Variants in UMAD1 observed in about 807,000 individuals in gnomAD.
The protein encoded by UMAD1 is UBAP1-MVB12-associated (UMA)-domain containing protein 1.
Under a neutral mutation model 6.1 loss-of-function variants are expected in UMAD1, and 8 were observed. That is an observed-to-expected ratio of 1.30 (90% confidence interval 0.76 to 2.35). The LOEUF (loss-of-function observed/expected upper bound fraction) is 2.35, where lower values mean the gene tolerates loss of function less well. Among genes scored for constraint, UMAD1 ranks in the 30% most tolerant of loss-of-function variants. The probability of loss-of-function intolerance (pLI) is 0.00; values close to 1 mark genes in which losing one functional copy is unlikely to be tolerated. For synonymous variants in UMAD1, 56 were observed against 31.4 expected (o/e 1.78, Z -2.61); for missense variants, 130 against 78.4 (o/e 1.66, Z -2.49).
chr7:7,778,266 G>A (rs1056105612), intron 2 of UMAD1, among the ~76,000 whole-genome samples: 1 of 135,552 alleles, frequency 7.4e-6, no homozygotes, highest in Non-Finnish European at 1.6e-5. Context: ...GTGTGTGTGT[G>A]TGTGTGTGTG....
chr7:7,865,515 C>A (rs1195173610), intron 3 of UMAD1, among the ~76,000 whole-genome samples: 1 of 152,098 alleles, frequency 6.6e-6, no homozygotes, highest in African/African-American at 2.4e-5. Context: ...GAAAAAAATC[C>A]CTGTTTATGG....
intron 3 of UMAD1, among the ~76,000 whole-genome samples, chr7:7,841,270 A>G (rs1167912003): frequency 6.6e-6 from 1 of 152,048 alleles, no homozygotes; most frequent in Non-Finnish European, 1.5e-5. Flanking sequence ...TCCACTGAAG[A>G]ATGCAAGGAA....
At chr7:7,703,607 T>G (rs996039050) in intron 2 of UMAD1, among the ~76,000 whole-genome samples, 1 of 152,176 alleles carries the variant, frequency 6.6e-6, no homozygotes, top group Non-Finnish European at 1.5e-5. Flanking sequence ...TAACAACAAT[T>G]TGTCCTAATC....
At chr7:7,747,377 C>A (rs1289102881) in intron 2 of UMAD1, among the ~76,000 whole-genome samples, 2 of 152,054 alleles carry the variant, frequency 1.3e-5, no homozygotes, top group Non-Finnish European at 2.9e-5. Flanking sequence ...TTTATTTGGT[C>A]CTTTCAGAAA....
intron 3 of UMAD1, among the ~76,000 whole-genome samples, chr7:7,848,967 T>TAC (rs1783861691): frequency 1.3e-5 from 2 of 152,180 alleles, no homozygotes. Context: ...TTCTACCTGT[T>TAC]ATGTAAGTTA....
intron 2 of UMAD1, among the ~76,000 whole-genome samples, chr7:7,694,141 A>G (rs566633435): frequency 4.7e-4 from 71 of 152,304 alleles, no homozygotes; most frequent in Non-Finnish European, 7.8e-4. Flanking sequence ...GTCATATTTG[A>G]GCATTCCAAA....
Position 7,664,565 on chromosome 7 carries a change from C to G in UMAD1, c.-63-8744C>G, listed in dbSNP as rs1484003790. 2.0e-5 allele frequency among the ~76,000 whole-genome samples: 3 copies of G among 152,164 alleles called. No homozygotes were observed. In the East Asian group the frequency reaches 5.8e-4, roughly 29 times the overall value. Reference sequence around the variant, plus strand: ...TTCCTTCCTCTAGTGAGGTTAATCTCTTTGCTTTCCTCTATACCCACTATG... The same window carrying G: ...TTCCTTCCTCTAGTGAGGTTAATCTGTTTGCTTTCCTCTATACCCACTATG... On this transcript the variant is annotated intron_variant, in intron 1 of 3. Coordinates refer to ENST00000682710, the MANE Select transcript of UMAD1 (RefSeq NM_001302348.2).
chr7:7,652,957 C>T (rs1257697009), intron 1 of UMAD1, among the ~76,000 whole-genome samples: 1 of 152,216 alleles, frequency 6.6e-6, no homozygotes, highest in African/African-American at 2.4e-5. Context: ...AAGACCCATA[C>T]TGAATAATGT....
At chr7:7,831,743 G>A (rs2115305356) in intron 3 of UMAD1, among the ~76,000 whole-genome samples, 3 of 152,214 alleles carry the variant, frequency 2.0e-5, no homozygotes, top group Middle Eastern at 6.8e-3. Context: ...GGAGTATTGT[G>A]AGATTAATTA....
chr7:7,745,354 C>T (rs552343438), intron 2 of UMAD1, among the ~76,000 whole-genome samples: 15 of 152,292 alleles, frequency 9.8e-5, no homozygotes, highest in Admixed American at 2.6e-4. Flanking sequence ...ACTGTTGCTT[C>T]TCTCTGATTT....
At position 7,787,895 on chromosome 7, in the gene UMAD1, A is replaced by C. The variant is rs140122631; in HGVS notation, c.83-13775A>C. On this transcript the variant is annotated intron_variant, in intron 2 of 3. Coordinates refer to ENST00000682710, the MANE Select transcript of UMAD1 (RefSeq NM_001302348.2). ...CACCCAGGTCAAAGTGCTATTAATAAGCTTATTTCCTATTACCAAAGTGTA... is the reference window on the plus strand; with the variant it reads ...CACCCAGGTCAAAGTGCTATTAATACGCTTATTTCCTATTACCAAAGTGTA... 1.2e-3 allele frequency among the ~76,000 whole-genome samples: 181 copies of C among 152,328 alleles called. 2 individuals are homozygous for C. The Middle Eastern group carries it at 0.024, about 20-fold the overall frequency.
intron 1 of UMAD1, among the ~76,000 whole-genome samples, chr7:7,657,162 TG>T (rs1407832861): frequency 6.6e-6 from 1 of 152,214 alleles, no homozygotes; most frequent in African/African-American, 2.4e-5. Flanking sequence ...TTGATGGGGT[TG>T]TTTTTTTCTT....
chr7:7,753,813 A>G (rs964234001), intron 2 of UMAD1, among the ~76,000 whole-genome samples: 62 of 152,258 alleles, frequency 4.1e-4, no homozygotes, highest in Admixed American at 4.0e-3. Flanking sequence ...GCTGGATCAT[A>G]TGGTAGCTCT....
At position 7,860,916 on chromosome 7, in the gene UMAD1, C is replaced by T. The variant is rs548645148; in HGVS notation, c.157-16365C>T. On this transcript the variant is annotated intron_variant, in intron 3 of 3. Transcript: ENST00000682710. ...ATACATACAATGAAATCTTATTCAG[C>T]CTTAAAAAGGAATGAAATTCTGATA... Among the ~76,000 whole-genome samples, 3 of 152,046 alleles carry T rather than the reference C, an allele frequency of 2.0e-5. No individual in the cohort carries two copies. In the South Asian group the frequency reaches 6.2e-4, roughly 32 times the overall value.
chr7:7,830,480 T>C lies in UMAD1; in HGVS notation c.156+28737T>C, dbSNP rs554218637. Among the ~76,000 whole-genome samples, 1 of 152,236 alleles carries C rather than the reference T, an allele frequency of 6.6e-6. No homozygotes were observed. The highest frequency in any genetic ancestry group is 2.1e-4 in the South Asian group (1 of 4,822). On this transcript the variant is annotated intron_variant, in intron 3 of 3. Transcript: ENST00000682710. The surrounding 1 kb of genome is among the most constrained non-coding windows in gnomAD (Gnocchi z 5.3). ...AATTATATGTTTTGGTTTCTCTCTT[T>C]TGTATCTTTCTCTTTCTTTTCCCTT...
chr7:7,757,168 T>C lies in UMAD1; in HGVS notation c.83-44502T>C, dbSNP rs140948294. On this transcript the variant is annotated intron_variant, in intron 2 of 3. Coordinates refer to ENST00000682710, the MANE Select transcript of UMAD1 (RefSeq NM_001302348.2). ...CATTCATAAGCAACTATCAATTATA[T>C]TATGTATTCAAGGTGTCATCTTGGA... is the stretch of plus-strand genomic sequence containing the variant. 5.8e-3 allele frequency among the ~76,000 whole-genome samples: 885 copies of C among 152,350 alleles called. 9 individuals are homozygous for C. Among genetic ancestry groups the C allele is most frequent in the African/African-American group, 0.02 (848 of 41,578 alleles).
chr7:7,694,308 A>G (rs1449373850), intron 2 of UMAD1, among the ~76,000 whole-genome samples: 1 of 152,164 alleles, frequency 6.6e-6, no homozygotes, highest in Non-Finnish European at 1.5e-5. Flanking sequence ...AGGCATACAC[A>G]TATAATAATC....
intron 3 of UMAD1, among the ~76,000 whole-genome samples, chr7:7,818,886 G>C (rs1257540758): frequency 6.6e-6 from 1 of 152,128 alleles, no homozygotes; most frequent in African/African-American, 2.4e-5. Flanking sequence ...GTCTTGCTCT[G>C]TTGCCCAGGC....
chr7:7,726,685 G>C (rs1263175421), intron 2 of UMAD1, among the ~76,000 whole-genome samples: 2 of 152,146 alleles, frequency 1.3e-5, no homozygotes, highest in African/African-American at 4.8e-5. Flanking sequence ...CTGGCCTAGA[G>C]CTGTTAGTTC....
Sources: allele counts gnomAD v4.1 joint callset (sites outside exome capture counted in the v4.1 genomes callset), GRCh38; gene constraint gnomAD v4.1.1; non-coding constraint Gnocchi (gnomAD v3.1); transcripts MANE v1.5; gene names NCBI Gene and HGNC (gene_info 2026-07-23, HGNC 2026-07-21).